The following FBN2 variants were observed in gnomAD, a reference collection of about 807,000 sequenced individuals.
FBN2 encodes fibrillin 2.
FBN2 carries 105 observed loss-of-function variants against 355.6 expected under a neutral mutation model. The observed-to-expected ratio is 0.30, with a 90% CI of 0.25 to 0.35. The LOEUF is 0.35. FBN2 is among the 10% of genes least tolerant of loss of function. FBN2 has a pLI of 1.00. For synonymous variants in FBN2, 1,350 were observed against 1,301.2 expected (o/e 1.04, Z -0.81); for missense variants, 3,280 against 3,758.7 (o/e 0.87, Z 3.33).
In FBN2 at chr5:128,311,697, T is replaced by A. The variant is rs1164353156; in HGVS notation, c.4948+188A>T. 2.0e-5 allele frequency among the ~76,000 whole-genome samples: 3 copies of A among 152,254 alleles called. No homozygotes were observed. The East Asian group carries it at 5.8e-4, about 29-fold the overall frequency. ...AGTTTCTCTGCAGAACAGTCAGACG[T>A]CAAATCACTGCAATGGATCATTACT... On this transcript the variant is annotated intron_variant, in intron 38 of 64. Coordinates refer to ENST00000262464, the MANE Select transcript of FBN2 (RefSeq NM_001999.4).
Position 128,365,921 on chromosome 5 carries a change from T to G in FBN2, c.2302+456A>C, listed in dbSNP as rs561522565. On this transcript the variant is annotated intron_variant, in intron 17 of 64. Coordinates refer to ENST00000262464, the MANE Select transcript of FBN2 (RefSeq NM_001999.4). Reference sequence around the variant, plus strand: ...CTTTACTTGGAGAGAAATGTTTTATTATTCTTAGGTGTAAATAGTCTTAAC... The same window carrying G: ...CTTTACTTGGAGAGAAATGTTTTATGATTCTTAGGTGTAAATAGTCTTAAC... Among the ~76,000 whole-genome samples, 17 of 151,878 alleles carry G rather than the reference T, an allele frequency of 1.1e-4. No homozygotes were observed. In the East Asian group the frequency reaches 2.7e-3, roughly 24 times the overall value.
At chr5:128,508,802 T>C (rs1329838455) in intron 5 of FBN2, among the ~76,000 whole-genome samples, 1 of 152,042 alleles carries the variant, frequency 6.6e-6, no homozygotes, top group Non-Finnish European at 1.5e-5. Flanking sequence ...TTCCCTTTTA[T>C]ATATTGGGAA....
At chr5:128,479,024 C>CTGAAATAGATTT (rs1755083354) in intron 5 of FBN2, among the ~76,000 whole-genome samples, 1 of 152,150 alleles carries the variant, frequency 6.6e-6, no homozygotes, top group African/African-American at 2.4e-5. Flanking sequence ...ACATGGCTGC[C>CTGAAATAGATTT]TGAAATAGAT....
chr5:128,474,940 G>A (rs1754971327), intron 5 of FBN2, among the ~76,000 whole-genome samples: 2 of 152,306 alleles, frequency 1.3e-5, no homozygotes, highest in South Asian at 4.1e-4. Flanking sequence ...GACATTCTAA[G>A]AGGACACAGG....
chr5:128,390,746 T>C lies in FBN2; in HGVS notation c.1603+1272A>G, dbSNP rs190950266. Among the ~76,000 whole-genome samples the C allele has an allele frequency of 6.6e-5, 10 of 152,336 alleles. No individual in the cohort carries two copies. The East Asian group carries it at 1.9e-3, about 29-fold the overall frequency. Reference sequence around the variant, plus strand: ...TACTTGAAGAATGACTGACAAATTATAGTTATTCAGAGTTATTAATCTGGC... The same window carrying C: ...TACTTGAAGAATGACTGACAAATTACAGTTATTCAGAGTTATTAATCTGGC... On this transcript the variant is annotated intron_variant, in intron 11 of 64. Coordinates refer to ENST00000262464, the MANE Select transcript of FBN2 (RefSeq NM_001999.4).
chr5:128,264,855 A>G (rs6595814), intron 62 of FBN2, among the ~76,000 whole-genome samples: 37,659 of 152,158 alleles, frequency 0.25, 7,955 homozygotes, highest in African/African-American at 0.58. Flanking sequence ...GAAGATGCAC[A>G]TGGGCTCTCA....
intron 48 of FBN2, among the ~76,000 whole-genome samples, chr5:128,298,126 G>A (rs1749582583): frequency 6.6e-6 from 1 of 151,552 alleles, no homozygotes; most frequent in South Asian, 2.1e-4. Flanking sequence ...GAAATTCTGG[G>A]TTGAAAATTC....
chr5:128,481,353 A>ATCAGCCGTG (rs1396917966), intron 5 of FBN2, among the ~76,000 whole-genome samples: 7 of 152,192 alleles, frequency 4.6e-5, no homozygotes, highest in Non-Finnish European at 8.8e-5. Context: ...TCAATTTCTG[A>ATCAGCCGTG]TCAGCCGTGA....
intron 5 of FBN2, among the ~76,000 whole-genome samples, chr5:128,479,033 A>G (rs1755083558): frequency 1.3e-5 from 2 of 152,204 alleles, no homozygotes; most frequent in Admixed American, 1.3e-4. Flanking sequence ...CCTGAAATAG[A>G]TTTAATAAAA....
intron 55 of FBN2, among the ~76,000 whole-genome samples, chr5:128,283,891 C>T (rs1194884709): frequency 6.6e-6 from 1 of 152,160 alleles, no homozygotes; most frequent in African/African-American, 2.4e-5. Flanking sequence ...AAGCAAAAAT[C>T]CTGGGACTTA....
Position 128,502,541 on chromosome 5 carries a change from G to A in FBN2, c.628+16732C>T, listed in dbSNP as rs116347597. On this transcript the variant is annotated intron_variant, in intron 5 of 64. Transcript: ENST00000262464. ...TACACAATAAGAAGGCACTCAAGCA[G>A]AGCCTAGAAAAATCACTTGACAAAA... Among the ~76,000 whole-genome samples, 1,001 of 152,154 alleles carry A rather than the reference G, an allele frequency of 6.6e-3. 15 individuals are homozygous for A. The highest frequency in any genetic ancestry group is 0.022 in the African/African-American group (930 of 41,518).
chr5:128,503,335 T>C (rs1755866061), intron 5 of FBN2, among the ~76,000 whole-genome samples: 1 of 152,112 alleles, frequency 6.6e-6, no homozygotes, highest in African/African-American at 2.4e-5. Flanking sequence ...ACTAATACAG[T>C]AAATTGTTAT....
intron 5 of FBN2, among the ~76,000 whole-genome samples, chr5:128,470,761 C>T (rs890031809): frequency 6.6e-6 from 1 of 152,076 alleles, no homozygotes; most frequent in Non-Finnish European, 1.5e-5. Context: ...GACAACAATA[C>T]ATCAGCTGCC....
chr5:128,327,114 A>G (rs984942176), intron 34 of FBN2, among the ~76,000 whole-genome samples: 4 of 152,228 alleles, frequency 2.6e-5, no homozygotes, highest in Admixed American at 6.5e-5. Context: ...ACTAAGCTTC[A>G]GTGCTTAGAA....
intron 8 of FBN2, among the ~76,000 whole-genome samples, chr5:128,405,646 A>G (rs2126995975): frequency 6.6e-6 from 1 of 152,336 alleles, no homozygotes; most frequent in East Asian, 1.9e-4. Context: ...GTAAGTGAGT[A>G]AATAAAAAGA....
intron 35 of FBN2, 109 bp downstream of exon 35, chr5:128,318,770 T>C: frequency 1.8e-6 from 2 of 1,123,270 alleles, no homozygotes; most frequent in Admixed American, 4.1e-5. Flanking sequence ...GAAAAATGTG[T>C]AACCTAATGC....
chr5:128,395,295 C>T (rs1458315681), intron 8 of FBN2, 21 bp from the exon 9 acceptor site: 1 of 1,613,676 alleles, frequency 6.2e-7, no homozygotes, highest in Non-Finnish European at 8.5e-7. Flanking sequence ...ATAAATAAGA[C>T]AGAAGATATG....
intron 1 of FBN2, 117 bp downstream of exon 1, chr5:128,537,233 G>A (rs1756875575): frequency 1.4e-6 from 2 of 1,476,124 alleles, no homozygotes; most frequent in Non-Finnish European, 1.8e-6. Context: ...AAAGGGGGCT[G>A]CAGCTCTAGG....
chr5:128,303,731 T>C (rs762632619), intron 45 of FBN2, among the ~76,000 whole-genome samples: 1 of 152,168 alleles, frequency 6.6e-6, no homozygotes, highest in Non-Finnish European at 1.5e-5. Context: ...AAGCTCTGTA[T>C]AAGGGAGGTC....
Sources: gnomAD v4.1 joint callset for allele counts (sites outside exome capture counted in the v4.1 genomes callset) on GRCh38, gnomAD v4.1.1 for gene constraint, MANE v1.5 for transcripts, NCBI Gene and HGNC (gene_info 2026-07-23, HGNC 2026-07-21) for gene names.